The following DCLK2 variants were observed in gnomAD, a reference collection of about 807,000 sequenced individuals.
The protein encoded by DCLK2 is serine/threonine-protein kinase DCLK2.
In DCLK2, 31 loss-of-function variants were observed where a neutral mutation model predicts 78.4. That is an observed-to-expected ratio of 0.40 (90% CI 0.30 to 0.53). DCLK2 has a LOEUF of 0.53. DCLK2 is among the 20% of genes least tolerant of loss of function. The pLI is 0.61. For synonymous variants in DCLK2, 407 were observed against 374.9 expected (o/e 1.09, Z -0.99); for missense variants, 872 against 973.7 (o/e 0.90, Z 1.39).
At chr4:150,252,845 G>C (rs1744275170) in intron 15 of DCLK2, among the ~76,000 whole-genome samples, 1 of 152,210 alleles carries the variant, frequency 6.6e-6, no homozygotes, top group Admixed American at 6.5e-5. Context: ...TCTGCAGGCT[G>C]TTAGCTCAGA....
At chr4:150,161,862 C>T (rs1451174675) in intron 2 of DCLK2, among the ~76,000 whole-genome samples, 1 of 152,148 alleles carries the variant, frequency 6.6e-6, no homozygotes, top group African/African-American at 2.4e-5. Context: ...TGTCTGACTT[C>T]TTACCTTTAT....
chr4:150,225,377 TCAAC>T (rs1741525001), intron 8 of DCLK2, among the ~76,000 whole-genome samples: 1 of 152,222 alleles, frequency 6.6e-6, no homozygotes, highest in South Asian at 2.1e-4. Flanking sequence ...TGGGAAAAGA[TCAAC>T]CAATAAAATG....
intron 2 of DCLK2, among the ~76,000 whole-genome samples, chr4:150,132,305 A>T (rs903974237): frequency 6.6e-6 from 1 of 152,218 alleles, no homozygotes; most frequent in Non-Finnish European, 1.5e-5. Context: ...CAAGTGCTGG[A>T]TTGTATGCCA....
chr4:150,115,616 G>A (rs1479019835), intron 2 of DCLK2, among the ~76,000 whole-genome samples: 4 of 151,978 alleles, frequency 2.6e-5, no homozygotes, highest in East Asian at 1.9e-4. Flanking sequence ...TGAAGACACT[G>A]TATGAGTTAT....
intron 2 of DCLK2, among the ~76,000 whole-genome samples, chr4:150,121,028 G>A (rs1337557378): frequency 2.6e-5 from 4 of 152,150 alleles, no homozygotes; most frequent in East Asian, 1.9e-4. Flanking sequence ...CCGAGACTGC[G>A]CTATTGCACT....
intron 2 of DCLK2, among the ~76,000 whole-genome samples, chr4:150,134,818 TTTG>T (rs538340063): frequency 1.8e-4 from 27 of 152,130 alleles, no homozygotes; most frequent in East Asian, 5.8e-4. Context: ...CCAAATCATG[TTTG>T]TTGTTGTTGT....
At chr4:150,240,521 C>G in intron 12 of DCLK2, 45 bp downstream of exon 12, 1 of 1,547,758 alleles carries the variant, frequency 6.5e-7, no homozygotes, top group African/African-American at 1.4e-5. Context: ...AAATGTTCTC[C>G]CTTGGGTCCA....
chr4:150,219,210 A>T (rs1740978260), intron 5 of DCLK2, among the ~76,000 whole-genome samples: 1 of 149,904 alleles, frequency 6.7e-6, no homozygotes, highest in Non-Finnish European at 1.5e-5. Context: ...TCTTTTATTT[A>T]GCAAAAGGTC....
At chr4:150,111,596 A>AT (rs1426646622) in intron 2 of DCLK2, among the ~76,000 whole-genome samples, 3 of 152,030 alleles carry the variant, frequency 2.0e-5, no homozygotes, top group African/African-American at 7.2e-5. Flanking sequence ...TCCTTCTAGA[A>AT]TTTTTATGGC....
chr4:150,202,029 T>C (rs1004412910), intron 4 of DCLK2, among the ~76,000 whole-genome samples: 10 of 152,192 alleles, frequency 6.6e-5, no homozygotes, highest in African/African-American at 1.9e-4. Context: ...CATCCCCAAT[T>C]AGAGTGCTGC....
At chr4:150,083,042 C>A (rs947878937) in intron 1 of DCLK2, among the ~76,000 whole-genome samples, 17 of 152,174 alleles carry the variant, frequency 1.1e-4, no homozygotes, top group African/African-American at 4.1e-4. Flanking sequence ...AGTTGGCAGA[C>A]CACCTAAGTT....
intron 2 of DCLK2, among the ~76,000 whole-genome samples, chr4:150,168,957 G>C (rs1266954748): frequency 2.0e-5 from 3 of 152,100 alleles, no homozygotes; most frequent in African/African-American, 7.2e-5. Flanking sequence ...TAGATGTTAT[G>C]AGCAGTCCAT....
chr4:150,090,912 AG>A (rs1730013730), intron 1 of DCLK2, among the ~76,000 whole-genome samples: 1 of 152,154 alleles, frequency 6.6e-6, no homozygotes, highest in East Asian at 1.9e-4. Context: ...CTGCAGAAAT[AG>A]GTGTTGTATT....
At chr4:150,135,834 T>C (rs924897596) in intron 2 of DCLK2, among the ~76,000 whole-genome samples, 3 of 152,218 alleles carry the variant, frequency 2.0e-5, no homozygotes, top group Non-Finnish European at 4.4e-5. Context: ...AAATAGCTGA[T>C]GTTTAGTAGG....
chr4:150,104,416 A>C (rs1242532739), intron 2 of DCLK2, among the ~76,000 whole-genome samples: 1 of 150,034 alleles, frequency 6.7e-6, no homozygotes, highest in Non-Finnish European at 1.5e-5. Flanking sequence ...AAAAAAAAAA[A>C]AAAAAAATCG....
intron 2 of DCLK2, among the ~76,000 whole-genome samples, chr4:150,191,686 G>A (rs1242692526): frequency 6.6e-6 from 1 of 152,172 alleles, no homozygotes; most frequent in Non-Finnish European, 1.5e-5. Flanking sequence ...TGCTTGAAGA[G>A]AATTGGAACA....
At chr4:150,239,593 C>G (rs540505791) in intron 10 of DCLK2, 149 bp from the exon 11 acceptor site, 1 of 1,040,412 alleles carries the variant, frequency 9.6e-7, no homozygotes, top group Admixed American at 2.4e-5. Flanking sequence ...AAAGCGAGAC[C>G]GTGTCTTCAA....
At chr4:150,083,113 G>A (rs541246021) in intron 1 of DCLK2, among the ~76,000 whole-genome samples, 1 of 152,186 alleles carries the variant, frequency 6.6e-6, no homozygotes, top group East Asian at 1.9e-4. Flanking sequence ...GTTATTGTTG[G>A]AGCATATGAT....
intron 4 of DCLK2, among the ~76,000 whole-genome samples, chr4:150,203,448 A>G (rs1295620024): frequency 6.6e-6 from 1 of 152,208 alleles, no homozygotes; most frequent in Non-Finnish European, 1.5e-5. Context: ...CCTTCATAGT[A>G]AACCATTACA....
Sources: gnomAD v4.1 joint callset for allele counts (sites outside exome capture counted in the v4.1 genomes callset) on GRCh38, gnomAD v4.1.1 for gene constraint, MANE v1.5 for transcripts, NCBI Gene and HGNC (gene_info 2026-07-23, HGNC 2026-07-21) for gene names.